The following ALPK2 variants were observed in gnomAD, a reference collection of about 807,000 sequenced individuals.
ALPK2 encodes alpha kinase 2, also known as alpha-protein kinase 2.
A neutral mutation model predicts 163.1 loss-of-function variants in ALPK2; 127 were observed. That is an observed-to-expected ratio of 0.78 (90% CI 0.67 to 0.90). The LOEUF is 0.90. Ranked by LOEUF, ALPK2 falls within the 40% of genes least tolerant of loss-of-function variation. The pLI is 0.00. For synonymous variants in ALPK2, 953 were observed against 959.1 expected, an observed-to-expected ratio of 0.99 and a Z score of 0.12; for missense variants, 2,360 against 2,589.6, an observed-to-expected ratio of 0.91 and a Z score of 1.92.
chr18:58,540,800 A>T (rs2051685608), intron 4 of ALPK2, among the ~76,000 whole-genome samples: 1 of 152,254 alleles, frequency 6.6e-6, no homozygotes. Context: ...TGTCATGTGC[A>T]GAATTCTCTG....
In ALPK2 at chr18:58,536,755, C is replaced by T. The variant is rs141418190; in HGVS notation, c.3432G>A (p.Gln1144=). The change falls in exon 5 of 13, where the codon CAG becomes CAA. Residue 1144 remains glutamine (Q), a synonymous_variant. Coordinates refer to ENST00000361673, the MANE Select transcript of ALPK2 (RefSeq NM_052947.4). ...AATCAGGTGCAGAAAGAGAACCCTG[C>T]TGGGACAGGCTCTGCTGCTGGACCC... ...KQGVQQQSLS[Q]QGSLSAPDFQ... is the part of the protein sequence containing the mutation. 2 of 1,614,188 alleles carry T rather than the reference C, an allele frequency of 1.2e-6. No homozygotes were observed. Among genetic ancestry groups the T allele is most frequent in the Non-Finnish European group, 8.5e-7 (1 of 1,180,034 alleles).
chr18:58,507,518 G>A (rs1456808681), intron 10 of ALPK2, among the ~76,000 whole-genome samples: 6 of 152,148 alleles, frequency 3.9e-5, no homozygotes, highest in East Asian at 1.9e-4. Context: ...CTTGAATAGC[G>A]CTAGGACAGA....
intron 4 of ALPK2, among the ~76,000 whole-genome samples, chr18:58,567,977 G>A (rs1349548874): frequency 6.6e-6 from 1 of 152,156 alleles, no homozygotes. Context: ...CCATCTGAAA[G>A]ATCTCCAGCA....
At chr18:58,559,596 C>T (rs560042792) in intron 4 of ALPK2, among the ~76,000 whole-genome samples, 2 of 152,134 alleles carry the variant, frequency 1.3e-5, no homozygotes, top group Non-Finnish European at 2.9e-5. Context: ...TGAAAGGGCC[C>T]GGGGATTCTA....
intron 3 of ALPK2, among the ~76,000 whole-genome samples, chr18:58,593,084 C>T (rs565832987): frequency 1.3e-5 from 2 of 152,136 alleles, no homozygotes; most frequent in Non-Finnish European, 2.9e-5. Context: ...TTTGTCCAAA[C>T]CTGTAGAACG....
At chr18:58,491,811 C>A (rs35547576) in intron 12 of ALPK2, among the ~76,000 whole-genome samples, 1 of 152,110 alleles carries the variant, frequency 6.6e-6, no homozygotes. Context: ...ACTTGTGGGG[C>A]GGTTACAGGA....
chr18:58,537,215 G>C lies in ALPK2; in HGVS notation c.2972C>G (p.Thr991Arg), dbSNP rs1436592139. 6.2e-7 allele frequency: 1 copy of C among 1,614,080 alleles called. No individual in the cohort carries two copies. The highest frequency in any genetic ancestry group is 8.5e-7 in the Non-Finnish European group (1 of 1,180,016). The change falls in exon 5 of 13, where the codon ACA becomes AGA. Residue 991 changes from threonine (T) to arginine (R), a missense_variant. By Grantham distance (71) the Thr-to-Arg change is moderately conservative. Coordinates refer to ENST00000361673, the MANE Select transcript of ALPK2 (RefSeq NM_052947.4). The stretch of plus-strand genomic sequence containing the variant: ...AAAGCACTCATTATTAGCAGTTAAT[G>C]TTGTTGGCTTCTCCCAAGGAAAACT... Reference protein sequence around the residue: ...IVSFPWEKPTTLTANNECFQA... With the variant: ...IVSFPWEKPTRLTANNECFQA...
intron 4 of ALPK2, among the ~76,000 whole-genome samples, chr18:58,574,126 C>T (rs1205314126): frequency 6.6e-6 from 1 of 152,056 alleles, no homozygotes; most frequent in African/African-American, 2.4e-5. Flanking sequence ...AAATCTCCAG[C>T]ATTCACAAGA....
intron 4 of ALPK2, among the ~76,000 whole-genome samples, chr18:58,563,485 C>G (rs925225629): frequency 6.6e-6 from 1 of 152,084 alleles, no homozygotes; most frequent in African/African-American, 2.4e-5. Flanking sequence ...CTCATTTAGG[C>G]TAGAATTGGT....
chr18:58,541,990 A>G (rs2051692214), intron 4 of ALPK2, among the ~76,000 whole-genome samples: 1 of 152,194 alleles, frequency 6.6e-6, no homozygotes, highest in Admixed American at 6.5e-5. Context: ...TCTGCTGTGC[A>G]CCTATTCTCA....
intron 10 of ALPK2, among the ~76,000 whole-genome samples, chr18:58,506,543 C>G (rs992005244): frequency 1.3e-5 from 2 of 152,068 alleles, no homozygotes; most frequent in Admixed American, 6.6e-5. Flanking sequence ...CAATGAACAT[C>G]CACTGAATAG....
chr18:58,537,588 G>T lies in ALPK2; in HGVS notation c.2599C>A (p.Gln867Lys). 6.2e-7 allele frequency: 1 copy of T among 1,613,828 alleles called. No homozygotes were observed. The highest frequency in any genetic ancestry group is 8.5e-7 in the Non-Finnish European group (1 of 1,179,778). ...DKTLEVFFQTQVSETSVSTCK... is the reference protein window; with the variant it reads ...DKTLEVFFQTKVSETSVSTCK... The stretch of plus-strand genomic sequence containing the variant: ...GTAGACACTGAAGTCTCAGACACTT[G>T]TGTCTGAAAAAAGACTTCCAGTGTC... Residue 867 changes from glutamine (Q) to lysine (K), a missense_variant, in exon 5 of 13, where the codon CAA becomes AAA. By Grantham distance (53) the Gln-to-Lys change is moderately conservative. Coordinates refer to ENST00000361673, the MANE Select transcript of ALPK2 (RefSeq NM_052947.4).
At chr18:58,486,979 C>G (rs1164004437) in intron 12 of ALPK2, among the ~76,000 whole-genome samples, 1 of 152,200 alleles carries the variant, frequency 6.6e-6, no homozygotes, top group African/African-American at 2.4e-5. Flanking sequence ...ATGTGCCACC[C>G]GCTGCCTTGA....
chr18:58,497,909 A>G, intron 12 of ALPK2, 140 bp downstream of exon 12: 1 of 724,302 alleles, frequency 1.4e-6, no homozygotes, highest in South Asian at 1.8e-5. Flanking sequence ...AGTGAGAGAA[A>G]TGAATTCATT....
chr18:58,516,827 A>G, intron 9 of ALPK2, 81 bp downstream of exon 9: 2 of 1,491,800 alleles, frequency 1.3e-6, no homozygotes, highest in East Asian at 2.3e-5. Context: ...ATTCCCATCA[A>G]TCCTGAGTCT....
chr18:58,483,835 G>T (rs895002387), intron 12 of ALPK2, among the ~76,000 whole-genome samples: 9 of 151,750 alleles, frequency 5.9e-5, no homozygotes, highest in Non-Finnish European at 2.9e-5. Flanking sequence ...AAAGTGCTGG[G>T]ATTACAAACA....
At chr18:58,484,747 A>AAAAAT (rs2051329867) in intron 12 of ALPK2, among the ~76,000 whole-genome samples, 1 of 122,174 alleles carries the variant, frequency 8.2e-6, no homozygotes, top group African/African-American at 2.8e-5. Context: ...CGTCTCAAAA[A>AAAAAT]ATAATATAAT....
intron 3 of ALPK2, among the ~76,000 whole-genome samples, chr18:58,601,592 CCCTGTAAGGAAA>C (rs1257719845): frequency 6.6e-6 from 1 of 152,156 alleles, no homozygotes; most frequent in African/African-American, 2.4e-5. Flanking sequence ...CCTTAGACTG[CCCTGTAAGGAAA>C]CCAGTACTGT....
rs370458745 is a variant in ALPK2 at position 58,610,013 on chromosome 18, G to A, written c.109+1676C>T. Among the ~76,000 whole-genome samples the A allele has an allele frequency of 9.2e-5, 14 of 152,216 alleles. 1 individual carries two copies. In the East Asian group the frequency reaches 1.7e-3, roughly 19 times the overall value. ...AGGTTTTATGACAACTTCTGCTAGCGAAAGGCAGCCGTTTCTGAGGCTCAC... is the reference window on the plus strand; with the variant it reads ...AGGTTTTATGACAACTTCTGCTAGCAAAAGGCAGCCGTTTCTGAGGCTCAC... On this transcript the variant is annotated intron_variant, in intron 2 of 12. Transcript: ENST00000361673.
Sources: allele counts gnomAD v4.1 joint callset (sites outside exome capture counted in the v4.1 genomes callset), GRCh38; gene constraint gnomAD v4.1.1; transcripts MANE v1.5; gene names NCBI Gene and HGNC (gene_info 2026-07-23, HGNC 2026-07-21).